NEGR1: variants seen among roughly 807,000 people sequenced by gnomAD.
The protein encoded by NEGR1 is neuronal growth regulator 1, also known as IgLON family member 4.
NEGR1 carries 10 observed loss-of-function variants against 40.9 expected under a neutral mutation model. The observed-to-expected ratio is 0.24, with a 90% confidence interval of 0.15 to 0.42. The LOEUF is 0.42. NEGR1 is among the 10% of genes least tolerant of loss of function. The probability of loss-of-function intolerance (pLI) is 1.00; values close to 1 mark genes in which losing one functional copy is unlikely to be tolerated. For synonymous variants in NEGR1, 185 were observed against 166.8 expected (o/e 1.11, Z -0.84); for missense variants, 352 against 438.9 (o/e 0.80, Z 1.77).
chr1:72,200,812 G>A (rs72941249), intron 1 of NEGR1, among the ~76,000 whole-genome samples: 2,060 of 151,874 alleles, frequency 0.014, 35 homozygotes, highest in African/African-American at 0.046. Context: ...GTTATGACAC[G>A]TTTTCAACCT....
intron 4 of NEGR1, among the ~76,000 whole-genome samples, chr1:71,676,742 A>G (rs146438300): frequency 3.7e-4 from 57 of 152,344 alleles, no homozygotes; most frequent in African/African-American, 1.3e-3. Context: ...AAAATGTCAA[A>G]TAATTTACTC....
At chr1:72,210,262 A>T (rs1254049279) in intron 1 of NEGR1, among the ~76,000 whole-genome samples, 1 of 151,872 alleles carries the variant, frequency 6.6e-6, no homozygotes, top group Non-Finnish European at 1.5e-5. Flanking sequence ...CAGGAATTTC[A>T]GCAAAAACCA....
intron 2 of NEGR1, among the ~76,000 whole-genome samples, chr1:71,827,837 A>G (rs1570402173): frequency 6.6e-6 from 1 of 151,888 alleles, no homozygotes; most frequent in Admixed American, 6.6e-5. Context: ...CTTTATCCCA[A>G]TTGACCCAGA....
At chr1:71,448,385 G>C (rs1236197899) in intron 6 of NEGR1, among the ~76,000 whole-genome samples, 1 of 152,150 alleles carries the variant, frequency 6.6e-6, no homozygotes, top group Non-Finnish European at 1.5e-5. Context: ...GATCAATTGA[G>C]GTCAGGAGTT....
At chr1:71,844,286 C>A (rs1659332505) in intron 2 of NEGR1, among the ~76,000 whole-genome samples, 3 of 152,092 alleles carry the variant, frequency 2.0e-5, no homozygotes, top group African/African-American at 7.2e-5. Flanking sequence ...ATGAAGTGGG[C>A]CTTCCTTTGT....
intron 1 of NEGR1, among the ~76,000 whole-genome samples, chr1:72,098,096 C>A (rs60306479): frequency 0.034 from 5,122 of 152,050 alleles, 283 homozygotes; most frequent in African/African-American, 0.12. Flanking sequence ...CTGCATAGCC[C>A]CTGTCCTATA....
chr1:71,680,111 A>T (rs1194179254), intron 4 of NEGR1, among the ~76,000 whole-genome samples: 2 of 151,968 alleles, frequency 1.3e-5, no homozygotes, highest in Non-Finnish European at 2.9e-5. Flanking sequence ...TTTAGTTATC[A>T]AATTATTAGA....
At chr1:71,808,348 G>A (rs1040684643) in intron 2 of NEGR1, among the ~76,000 whole-genome samples, 3 of 151,986 alleles carry the variant, frequency 2.0e-5, no homozygotes, top group Non-Finnish European at 2.9e-5. Flanking sequence ...ATAGTCCCTC[G>A]CCCTCCTATA....
At chr1:71,955,431 G>T (rs1443161002) in intron 1 of NEGR1, among the ~76,000 whole-genome samples, 1 of 152,034 alleles carries the variant, frequency 6.6e-6, no homozygotes, top group Non-Finnish European at 1.5e-5. Context: ...TCAGGGTTCT[G>T]GATCCTCTGA....
chr1:71,480,824 A>G (rs1432579170), intron 6 of NEGR1, among the ~76,000 whole-genome samples: 1 of 151,878 alleles, frequency 6.6e-6, no homozygotes, highest in African/African-American at 2.4e-5. Flanking sequence ...ATTCTGTCAA[A>G]GAACCCTGAA....
intron 3 of NEGR1, among the ~76,000 whole-genome samples, chr1:71,725,464 T>G (rs1654640741): frequency 6.6e-6 from 1 of 152,166 alleles, no homozygotes; most frequent in Non-Finnish European, 1.5e-5. Flanking sequence ...CATTCATCAA[T>G]TCTGGAGCTC....
intron 6 of NEGR1, among the ~76,000 whole-genome samples, chr1:71,431,283 G>T (rs1169469274): frequency 1.3e-5 from 2 of 151,902 alleles, no homozygotes; most frequent in Non-Finnish European, 2.9e-5. Context: ...CACAAAAAAG[G>T]ACAGTTTGAA....
intron 6 of NEGR1, among the ~76,000 whole-genome samples, chr1:71,574,469 C>G (rs527254743): frequency 1.3e-5 from 2 of 152,214 alleles, no homozygotes; most frequent in Non-Finnish European, 2.9e-5. Context: ...ATTAGGAAAA[C>G]TGAGTTCTTA....
At chr1:72,035,547 C>A (rs951448257) in intron 1 of NEGR1, among the ~76,000 whole-genome samples, 15 of 152,072 alleles carry the variant, frequency 9.9e-5, no homozygotes, top group Non-Finnish European at 5.9e-5. Flanking sequence ...GACTTTGTGT[C>A]TAGAGTTATT....
chr1:72,259,376 T>C (rs903520282), intron 1 of NEGR1, among the ~76,000 whole-genome samples: 1 of 152,098 alleles, frequency 6.6e-6, no homozygotes, highest in Admixed American at 6.5e-5. Flanking sequence ...ATCTCCTTTA[T>C]ATGCTGTTTT....
intron 3 of NEGR1, among the ~76,000 whole-genome samples, chr1:71,730,296 A>G (rs1047012360): frequency 5.9e-5 from 9 of 151,998 alleles, no homozygotes; most frequent in African/African-American, 1.9e-4. Flanking sequence ...AACAACAGGA[A>G]ATGATTTGGA....
chr1:71,847,567 A>T (rs910177199), intron 2 of NEGR1, among the ~76,000 whole-genome samples: 4 of 152,180 alleles, frequency 2.6e-5, no homozygotes, highest in Admixed American at 2.6e-4. Context: ...GTTTTGGGGC[A>T]CCAAAAGCAG....
In NEGR1 at chr1:71,972,184, A is replaced by T. The variant is rs571273658; in HGVS notation, c.177-36873T>A. 2.0e-5 allele frequency among the ~76,000 whole-genome samples: 3 copies of T among 152,288 alleles called. No individual in the cohort carries two copies. The South Asian group carries it at 6.2e-4, about 32-fold the overall frequency. ...AAATAGCAGTGCAGGCACTGTAGTGATTAGGGAAGATGTGGATATGAATGC... is the reference window on the plus strand; with the variant it reads ...AAATAGCAGTGCAGGCACTGTAGTGTTTAGGGAAGATGTGGATATGAATGC... On this transcript the variant is annotated intron_variant, in intron 1 of 6. Transcript: ENST00000357731.
chr1:71,793,879 A>G (rs1312899132), intron 2 of NEGR1, among the ~76,000 whole-genome samples: 2 of 152,114 alleles, frequency 1.3e-5, no homozygotes, highest in African/African-American at 2.4e-5. Flanking sequence ...GTTGCAATCT[A>G]GGGATAGTTT....
Sources: gnomAD v4.1 joint callset for allele counts (sites outside exome capture counted in the v4.1 genomes callset) on GRCh38, gnomAD v4.1.1 for gene constraint, MANE v1.5 for transcripts, NCBI Gene and HGNC (gene_info 2026-07-23, HGNC 2026-07-21) for gene names.